The following PDE11A variants were observed in gnomAD, a reference collection of about 807,000 sequenced individuals.
The protein encoded by PDE11A is phosphodiesterase 11A, also known as dual 3',5'-cyclic-AMP and -GMP phosphodiesterase 11A.
PDE11A carries 100 observed loss-of-function variants against 100.5 expected under a neutral mutation model. That is an observed-to-expected ratio of 1.00 (90% CI 0.85 to 1.18). The LOEUF (loss-of-function observed/expected upper bound fraction) is 1.18. Among genes scored for constraint, PDE11A ranks in the 50% most tolerant of loss-of-function variants. PDE11A has a pLI of 0.00. For synonymous variants in PDE11A, 381 were observed against 420.8 expected, an observed-to-expected ratio of 0.91 and a Z score of 1.16; for missense variants, 1,141 against 1,152.6, an observed-to-expected ratio of 0.99 and a Z score of 0.15.
At chr2:178,094,185 C>T (rs1302993314) in intron 2 of PDE11A, among the ~76,000 whole-genome samples, 3 of 151,932 alleles carry the variant, frequency 2.0e-5, no homozygotes, top group African/African-American at 7.3e-5. Context: ...ACAGTACACA[C>T]GCAAACACAC....
intron 2 of PDE11A, among the ~76,000 whole-genome samples, chr2:177,970,323 T>C (rs570695204): frequency 6.6e-6 from 1 of 152,038 alleles, no homozygotes; most frequent in African/African-American, 2.4e-5. Flanking sequence ...AGAGCAAGAA[T>C]CAAGAATGTA....
intron 1 of PDE11A, chr2:178,018,198 C>A: frequency 2.7e-6 from 1 of 368,654 alleles, no homozygotes; most frequent in East Asian, 6.6e-5. Flanking sequence ...GGACTGGTGA[C>A]GGGGTTGTCA....
intron 15 of PDE11A, among the ~76,000 whole-genome samples, chr2:177,696,790 G>T (rs2081118008): frequency 6.6e-6 from 1 of 152,148 alleles, no homozygotes; most frequent in Non-Finnish European, 1.5e-5. Context: ...AAATTTCCAG[G>T]CTGCTAAGAG....
intron 2 of PDE11A, chr2:177,998,275 C>T (rs2086101977): frequency 1.2e-6 from 1 of 827,616 alleles, no homozygotes; most frequent in Non-Finnish European, 2.2e-6. Context: ...TTTGTTAATA[C>T]TTCATCTGGT....
intron 2 of PDE11A, among the ~76,000 whole-genome samples, chr2:177,942,561 C>T (rs1248247513): frequency 6.6e-6 from 1 of 152,074 alleles, no homozygotes; most frequent in East Asian, 1.9e-4. Context: ...TGCCACCACG[C>T]CCAGCTAATT....
At chr2:178,055,186 T>C (rs914450495) in intron 1 of PDE11A, among the ~76,000 whole-genome samples, 9 of 152,176 alleles carry the variant, frequency 5.9e-5, no homozygotes, top group Non-Finnish European at 1.2e-4. Context: ...GATGAGTTCA[T>C]GTCCTTTGTA....
At chr2:177,637,204 G>A (rs2080052955) in intron 19 of PDE11A, among the ~76,000 whole-genome samples, 1 of 152,170 alleles carries the variant, frequency 6.6e-6, no homozygotes, top group African/African-American at 2.4e-5. Flanking sequence ...TAAGGAAATT[G>A]AGGTTCACTT....
At chr2:177,762,233 C>T (rs1346570412) in intron 10 of PDE11A, among the ~76,000 whole-genome samples, 2 of 152,028 alleles carry the variant, frequency 1.3e-5, no homozygotes, top group Non-Finnish European at 2.9e-5. Flanking sequence ...CTACAGAAGC[C>T]CAACAGCCAG....
At chr2:177,906,667 T>C (rs1289237664) in intron 2 of PDE11A, among the ~76,000 whole-genome samples, 1 of 152,206 alleles carries the variant, frequency 6.6e-6, no homozygotes, top group East Asian at 1.9e-4. Context: ...TGTTGCCTTC[T>C]GGAACTAGAT....
chr2:178,081,298 G>T (rs1289833943), intron 2 of PDE11A, among the ~76,000 whole-genome samples: 1 of 152,022 alleles, frequency 6.6e-6, no homozygotes, highest in Non-Finnish European at 1.5e-5. Flanking sequence ...TTTTTAATGA[G>T]ACTCTTGTGT....
At chr2:177,873,175 T>G (rs1170677297) in intron 5 of PDE11A, among the ~76,000 whole-genome samples, 1 of 152,112 alleles carries the variant, frequency 6.6e-6, no homozygotes, top group Non-Finnish European at 1.5e-5. Context: ...GAAGTGACCA[T>G]GAGAACATGT....
chr2:177,838,018 C>T (rs150698637), intron 6 of PDE11A, among the ~76,000 whole-genome samples: 1 of 152,166 alleles, frequency 6.6e-6, no homozygotes, highest in Non-Finnish European at 1.5e-5. Flanking sequence ...TTATTTTTCT[C>T]CATTTTGTCT....
At chr2:177,909,628 T>A (rs2084846455) in intron 2 of PDE11A, among the ~76,000 whole-genome samples, 1 of 152,236 alleles carries the variant, frequency 6.6e-6, no homozygotes, top group African/African-American at 2.4e-5. Context: ...ACATTACTAC[T>A]ATTGTTATTA....
intron 5 of PDE11A, among the ~76,000 whole-genome samples, chr2:177,853,681 T>C: frequency 6.1e-5 from 2 of 32,878 alleles, no homozygotes; most frequent in Admixed American, 9.6e-4. Flanking sequence ...TATATATATA[T>C]GTGTGTGTGT....
chr2:178,019,314 T>C (rs2086378337), intron 1 of PDE11A, among the ~76,000 whole-genome samples: 7 of 152,192 alleles, frequency 4.6e-5, no homozygotes, highest in Admixed American at 4.6e-4. Flanking sequence ...AAGTCTCCTT[T>C]GTAATTGTAT....
chr2:177,999,739 T>C (rs1378788350), intron 2 of PDE11A, among the ~76,000 whole-genome samples: 2 of 152,224 alleles, frequency 1.3e-5, no homozygotes, highest in South Asian at 4.1e-4. Flanking sequence ...AGCCTTCTGA[T>C]GGTGTCAATT....
At chr2:177,845,776 C>T (rs1242608780) in intron 5 of PDE11A, among the ~76,000 whole-genome samples, 1 of 152,248 alleles carries the variant, frequency 6.6e-6, no homozygotes, top group Non-Finnish European at 1.5e-5. Context: ...CGTCTGCAAT[C>T]CCGGCACCTC....
chr2:177,968,749 A>ATT (rs2085730527), intron 2 of PDE11A, among the ~76,000 whole-genome samples: 1 of 152,244 alleles, frequency 6.6e-6, no homozygotes, highest in South Asian at 2.1e-4. Context: ...AATGGCAATT[A>ATT]TTAAAAAGTC....
At chr2:177,910,210 G>A (rs1017344721) in intron 2 of PDE11A, among the ~76,000 whole-genome samples, 5 of 152,006 alleles carry the variant, frequency 3.3e-5, no homozygotes, top group African/African-American at 9.7e-5. Flanking sequence ...AGCCCTCTGG[G>A]GTCAGACTCA....
Sources: gnomAD v4.1 joint callset for allele counts (sites outside exome capture counted in the v4.1 genomes callset) on GRCh38, gnomAD v4.1.1 for gene constraint, MANE v1.5 for transcripts, NCBI Gene and HGNC (gene_info 2026-07-23, HGNC 2026-07-21) for gene names.